Variants in MEGF6 observed in about 807,000 individuals in gnomAD.
MEGF6 encodes multiple EGF like domains 6, also known as multiple epidermal growth factor-like domains protein 6.
MEGF6 carries 184 observed loss-of-function variants against 207.1 expected under a neutral mutation model. The ratio of observed to expected loss-of-function variants is 0.89; its 90% CI spans 0.79 to 1.00. The LOEUF (loss-of-function observed/expected upper bound fraction) is 1.00, where lower values mean the gene tolerates loss of function less well. MEGF6 is among the 50% of genes least tolerant of loss of function. MEGF6 has a pLI of 0.00. For missense variants in MEGF6, 2,282 were observed against 2,202.9 expected (o/e 1.04, Z -0.72); for synonymous variants, 1,038 against 910.0 (o/e 1.14, Z -2.53).
chr1:3,540,884 A>G (rs1299911097), intron 4 of MEGF6, among the ~76,000 whole-genome samples: 1 of 152,218 alleles, frequency 6.6e-6, no homozygotes, highest in African/African-American at 2.4e-5. Context: ...GGACACCGAC[A>G]TTCAGGTCGC....
At chr1:3,562,626 A>T (rs1643234811) in intron 4 of MEGF6, among the ~76,000 whole-genome samples, 1 of 152,242 alleles carries the variant, frequency 6.6e-6, no homozygotes, top group South Asian at 2.1e-4. Context: ...GATTTCCTTA[A>T]GCAGAGCTCA....
At chr1:3,501,378 C>A in intron 18 of MEGF6, 70 bp from the exon 19 acceptor site, 1 of 1,516,664 alleles carries the variant, frequency 6.6e-7, no homozygotes, top group South Asian at 1.2e-5. Context: ...TAACATGGCA[C>A]GATGCCCCTG....
chr1:3,611,519 C>G (rs1570261649), upstream of MEGF6: 1 of 380,506 alleles, frequency 2.6e-6, no homozygotes, highest in Non-Finnish European at 4.5e-6. Flanking sequence ...GCCCCGGACT[C>G]AGAGCCTGGA....
chr1:3,517,822 C>T (rs1368648507), intron 5 of MEGF6, among the ~76,000 whole-genome samples: 27 of 152,260 alleles, frequency 1.8e-4, no homozygotes, highest in Admixed American at 1.6e-3. Flanking sequence ...GCTCCACAGC[C>T]CTCACCTGGC....
Position 3,539,291 on chromosome 1 carries a change from G to A in MEGF6, c.482-15045C>T, listed in dbSNP as rs187833755. ...GCCTCCCATCAGGAGGCTGGCCCCC[G>A]GACAGAAAGGCCAGGCAGGGCCAGC... On this transcript the variant is annotated intron_variant, in intron 4 of 36. Coordinates refer to ENST00000356575, the MANE Select transcript of MEGF6 (RefSeq NM_001409.4). 7.9e-5 allele frequency among the ~76,000 whole-genome samples: 12 copies of A among 152,206 alleles called. No homozygotes were observed. In the East Asian group the frequency reaches 9.7e-4, roughly 12 times the overall value.
chr1:3,621,740 C>T, the MEGF6 span, among the ~76,000 whole-genome samples: 559 of 152,266 alleles, frequency 3.7e-3, 3 homozygotes, highest in African/African-American at 0.012. Flanking sequence ...CTGGAAAAGC[C>T]GTAGGCACTC....
At chr1:3,491,775 T>TG (rs533521909) in intron 35 of MEGF6, among the ~76,000 whole-genome samples, 4,071 of 62,938 alleles carry the variant, frequency 0.065, 184 homozygotes, top group Middle Eastern at 0.13. Flanking sequence ...GGTGCGGGGG[T>TG]GGGGGGGGGG....
intron 30 of MEGF6, 137 bp downstream of exon 30, chr1:3,495,753 A>C: frequency 8.9e-7 from 1 of 1,119,180 alleles, no homozygotes; most frequent in Non-Finnish European, 1.2e-6. Context: ...TCTCAGCCCC[A>C]GGGTCAAGTG....
chr1:3,501,484 G>A (rs987851917), intron 18 of MEGF6, among the ~76,000 whole-genome samples, 176 bp from the exon 19 acceptor site: 1 of 151,994 alleles, frequency 6.6e-6, no homozygotes, highest in African/African-American at 2.4e-5. Flanking sequence ...CAGGCTGCGG[G>A]GTGCGCACCC....
intron 1 of MEGF6, among the ~76,000 whole-genome samples, chr1:3,608,752 C>T (rs556598440): frequency 1.3e-5 from 2 of 152,294 alleles, no homozygotes; most frequent in African/African-American, 2.4e-5. Context: ...GGGCAATCGG[C>T]CCCCGTCTCC....
In MEGF6 at chr1:3,497,078, A is replaced by T; in HGVS notation, c.3523T>A (p.Cys1175Ser). 6.4e-7 allele frequency: 1 copy of T among 1,569,994 alleles called. No individual in the cohort carries two copies. The highest frequency in any genetic ancestry group is 8.6e-7 in the Non-Finnish European group (1 of 1,158,318). ...GCCGGGTTCTCACCGGGACACTGGCACATCTGCGCACAGTCCTCCCCAAAG... is the reference window on the plus strand; with the variant it reads ...GCCGGGTTCTCACCGGGACACTGGCTCATCTGCGCACAGTCCTCCCCAAAG... Reference protein sequence around the residue: ...GSFGEDCAQMCQCPGENPACH... With the variant: ...GSFGEDCAQMSQCPGENPACH... Residue 1175 changes from cysteine to serine, a missense_variant, in exon 28 of 37, where the codon TGC becomes AGC. By Grantham distance (112) the Cys-to-Ser change is moderately radical. Coordinates refer to ENST00000356575, the MANE Select transcript of MEGF6 (RefSeq NM_001409.4).
intron 4 of MEGF6, among the ~76,000 whole-genome samples, chr1:3,539,991 G>A (rs2101493088): frequency 6.6e-6 from 1 of 152,282 alleles, no homozygotes; most frequent in Admixed American, 6.5e-5. Flanking sequence ...AGGCCTTCTG[G>A]GCTGCTGCCT....
At chr1:3,522,572 G>GAGAC (rs974449662) in intron 5 of MEGF6, among the ~76,000 whole-genome samples, 3 of 149,892 alleles carry the variant, frequency 2.0e-5, no homozygotes, top group African/African-American at 7.3e-5. Flanking sequence ...GCTATAGGAG[G>GAGAC]AGACTCCAGC....
At chr1:3,537,057 G>A (rs1325997169) in intron 4 of MEGF6, among the ~76,000 whole-genome samples, 1 of 152,276 alleles carries the variant, frequency 6.6e-6, no homozygotes, top group Non-Finnish European at 1.5e-5. Flanking sequence ...TGCAGAGCTA[G>A]TGTTGGGCGA....
intron 3 of MEGF6, among the ~76,000 whole-genome samples, chr1:3,583,402 ACCAGACAACCCG>A (rs1285280424): frequency 2.1e-4 from 19 of 90,964 alleles, no homozygotes; most frequent in South Asian, 5.2e-4. Flanking sequence ...ACGCGCAGCC[ACCAGACAACCCG>A]CAGCCACCAG....
At chr1:3,507,992 T>C in intron 13 of MEGF6, 69 bp from the exon 14 acceptor site, 1 of 1,549,316 alleles carries the variant, frequency 6.5e-7, no homozygotes, top group East Asian at 2.3e-5. Context: ...CTTCCTAGGG[T>C]TGGAGGCTTG....
At chr1:3,541,539 T>C (rs1642519684) in intron 4 of MEGF6, among the ~76,000 whole-genome samples, 1 of 152,056 alleles carries the variant, frequency 6.6e-6, no homozygotes, top group Non-Finnish European at 1.5e-5. Context: ...AGGACCAGGG[T>C]CCAAATCAGG....
At chr1:3,616,152 G>A (rs934592315), upstream of MEGF6, among the ~76,000 whole-genome samples, 14 of 152,126 alleles carry the variant, frequency 9.2e-5, no homozygotes, top group Non-Finnish European at 1.8e-4. Context: ...TCCGGTCCGC[G>A]GGCTGGCGGT....
Position 3,511,694 on chromosome 1 carries a change from TG to T in MEGF6, c.977-8del, listed in dbSNP as rs756092032. 4.4e-6 allele frequency: 7 copies of T among 1,600,962 alleles called. No homozygotes were observed. The South Asian group carries it at 4.4e-5, about 10-fold the overall frequency. ...ACGATTTCCATCTCAATCCCTGCCG[TG>T]AGACCAGCCACCCAGGGTATGGGAT... On this transcript the variant is annotated splice_region_variant and splice_polypyrimidine_tract_variant and intron_variant, in intron 8 of 36. Coordinates refer to ENST00000356575, the MANE Select transcript of MEGF6 (RefSeq NM_001409.4).
Sources: gnomAD v4.1 joint callset for allele counts (sites outside exome capture counted in the v4.1 genomes callset) on GRCh38, gnomAD v4.1.1 for gene constraint, MANE v1.5 for transcripts, NCBI Gene and HGNC (gene_info 2026-07-23, HGNC 2026-07-21) for gene names.